LEKR1: variants seen among roughly 807,000 people sequenced by gnomAD.
LEKR1 encodes the protein leucine, glutamate and lysine rich 1, also known as protein LEKR1.
In LEKR1, 59 loss-of-function variants were observed where a neutral mutation model predicts 72.4. That is an observed-to-expected ratio of 0.82 (90% CI 0.66 to 1.01). The LOEUF is 1.01. Ranked by LOEUF, LEKR1 falls within the 50% of genes least tolerant of loss-of-function variation. LEKR1 has a pLI of 0.00. For synonymous variants in LEKR1, 257 were observed against 263.2 expected, an observed-to-expected ratio of 0.98 and a Z score of 0.23; for missense variants, 728 against 759.2, an observed-to-expected ratio of 0.96 and a Z score of 0.48.
chr3:156,877,757 A>G (rs1200083069), intron 3 of LEKR1, among the ~76,000 whole-genome samples: 1 of 151,890 alleles, frequency 6.6e-6, no homozygotes, highest in East Asian at 1.9e-4. Context: ...TTTTAAAAAC[A>G]TCTTTTTGTT....
At chr3:156,837,629 A>G (rs961666457) in intron 2 of LEKR1, among the ~76,000 whole-genome samples, 2 of 152,218 alleles carry the variant, frequency 1.3e-5, no homozygotes, top group African/African-American at 4.8e-5. Context: ...ATAAAGATAA[A>G]AACTGAGAGG....
At chr3:156,854,908 C>T (rs1715859289) in intron 3 of LEKR1, among the ~76,000 whole-genome samples, 1 of 152,008 alleles carries the variant, frequency 6.6e-6, no homozygotes, top group Admixed American at 6.6e-5. Flanking sequence ...CTAGTTTTAA[C>T]ATTAGCAGTA....
At chr3:156,968,289 T>C (rs1331969165) in intron 6 of LEKR1, among the ~76,000 whole-genome samples, 2 of 152,168 alleles carry the variant, frequency 1.3e-5, no homozygotes, top group African/African-American at 4.8e-5. Flanking sequence ...TAACCTTAAA[T>C]GTAAATGGAC....
chr3:156,937,306 T>C (rs1725809116), intron 5 of LEKR1, among the ~76,000 whole-genome samples: 1 of 152,180 alleles, frequency 6.6e-6, no homozygotes, highest in South Asian at 2.1e-4. Flanking sequence ...ATGTAGAATA[T>C]ATAAATAACT....
rs558841739 is a variant in LEKR1, at chr3:156,985,145, G to A, written c.827+5870G>A. ...GTTTACTGAGAGCCAGGACTATTGTGTGCAGGCACTAGATATTGGAGTAAC... is the reference window on the plus strand; with the variant it reads ...GTTTACTGAGAGCCAGGACTATTGTATGCAGGCACTAGATATTGGAGTAAC... On this transcript the variant is annotated intron_variant, in intron 7 of 12. Coordinates refer to ENST00000356539, the MANE Select transcript of LEKR1 (RefSeq NM_001004316.3). 3.3e-5 allele frequency among the ~76,000 whole-genome samples: 5 copies of A among 152,270 alleles called. No homozygotes were observed. The South Asian group carries it at 1.0e-3, about 32-fold the overall frequency.
chr3:156,831,397 A>G (rs771008316), intron 2 of LEKR1, among the ~76,000 whole-genome samples: 1 of 152,214 alleles, frequency 6.6e-6, no homozygotes, highest in East Asian at 1.9e-4. Flanking sequence ...TTTGGCTTTT[A>G]TTAGTTTTAC....
intron 3 of LEKR1, among the ~76,000 whole-genome samples, chr3:156,861,095 A>C (rs557265752): frequency 1.1e-3 from 172 of 152,268 alleles, no homozygotes; most frequent in African/African-American, 4.0e-3. Context: ...AAACAATATC[A>C]GGTACTGTTG....
At chr3:156,918,340 G>T (rs1172085156) in intron 3 of LEKR1, among the ~76,000 whole-genome samples, 1 of 152,114 alleles carries the variant, frequency 6.6e-6, no homozygotes, top group Non-Finnish European at 1.5e-5. Context: ...CCATCTGCAT[G>T]TGCAGCTAAG....
intron 12 of LEKR1, 61 bp downstream of exon 12, chr3:157,028,463 CAA>C: frequency 1.4e-6 from 2 of 1,402,260 alleles, no homozygotes; most frequent in Non-Finnish European, 1.9e-6. Flanking sequence ...TTTCAACAAA[CAA>C]ACAAAAACGT....
At chr3:156,854,795 C>T (rs977943317) in intron 3 of LEKR1, among the ~76,000 whole-genome samples, 1 of 151,894 alleles carries the variant, frequency 6.6e-6, no homozygotes, top group African/African-American at 2.4e-5. Context: ...CTCAAGTAAT[C>T]TGCCTGCCTT....
chr3:156,926,745 T>A (rs114714001), intron 4 of LEKR1, among the ~76,000 whole-genome samples: 1,968 of 152,104 alleles, frequency 0.013, 27 homozygotes, highest in Non-Finnish European at 0.022. Context: ...GAGACTGTGA[T>A]GAGCAAGATA....
chr3:157,036,163 A>G (rs956978936), intron 12 of LEKR1, among the ~76,000 whole-genome samples: 4 of 152,204 alleles, frequency 2.6e-5, no homozygotes, highest in African/African-American at 9.6e-5. Flanking sequence ...ATACAAAACA[A>G]TACAGGGAGC....
chr3:157,011,315 A>G, intron 9 of LEKR1, 98 bp from the exon 10 acceptor site: 2 of 775,228 alleles, frequency 2.6e-6, no homozygotes, highest in Non-Finnish European at 4.5e-6. Flanking sequence ...AAATAAACAG[A>G]CTAAGTTTTG....
chr3:156,851,583 C>T (rs375443077), intron 2 of LEKR1, among the ~76,000 whole-genome samples: 8 of 152,070 alleles, frequency 5.3e-5, no homozygotes, highest in African/African-American at 1.9e-4. Context: ...TTGATATAAT[C>T]ATTAATCTAT....
At chr3:156,980,388 T>G (rs1730082470) in intron 7 of LEKR1, among the ~76,000 whole-genome samples, 1 of 152,198 alleles carries the variant, frequency 6.6e-6, no homozygotes, top group Non-Finnish European at 1.5e-5. Flanking sequence ...AAATAAAATA[T>G]TCATACTTTA....
chr3:157,045,282 C>A, intron 12 of LEKR1, 58 bp from the exon 13 acceptor site: 1 of 1,372,170 alleles, frequency 7.3e-7, no homozygotes, highest in Non-Finnish European at 1.0e-6. Flanking sequence ...CCGTAACTAT[C>A]TACTTATGTA....
intron 3 of LEKR1, among the ~76,000 whole-genome samples, chr3:156,855,899 G>T (rs1240303540): frequency 6.6e-6 from 1 of 151,988 alleles, no homozygotes; most frequent in Admixed American, 6.6e-5. Flanking sequence ...AGTCTCACTG[G>T]CTTTACTTCT....
In LEKR1 at chr3:156,882,776, G is replaced by T. The variant is rs1719575689; in HGVS notation, c.263+29794G>T. Among the ~76,000 whole-genome samples, 5 of 152,230 alleles carry T rather than the reference G, an allele frequency of 3.3e-5. No individual in the cohort carries two copies. In the South Asian group the frequency reaches 1.0e-3, roughly 32 times the overall value. ...CCAAATGTCCAACAATGATAGACTG[G>T]ATTAAGAAAATGTGGCACATATACA... is the stretch of plus-strand genomic sequence containing the variant. On this transcript the variant is annotated intron_variant, in intron 3 of 12. Transcript: ENST00000356539.
intron 2 of LEKR1, among the ~76,000 whole-genome samples, chr3:156,849,425 A>G (rs1553785447): frequency 1.3e-5 from 2 of 152,182 alleles, no homozygotes; most frequent in Non-Finnish European, 2.9e-5. Context: ...TTCATATGGA[A>G]CCAAAAAAGA....
Sources: allele counts gnomAD v4.1 joint callset (sites outside exome capture counted in the v4.1 genomes callset), GRCh38; gene constraint gnomAD v4.1.1; transcripts MANE v1.5; gene names NCBI Gene and HGNC (gene_info 2026-07-23, HGNC 2026-07-21).